PCSK5: variants seen among roughly 807,000 people sequenced by gnomAD.
The protein encoded by PCSK5 is prohormone convertase 5.
Under a neutral mutation model 233.2 loss-of-function variants are expected in PCSK5, and 129 were observed. That is an observed-to-expected ratio of 0.55 (90% confidence interval 0.48 to 0.64). PCSK5 has a LOEUF of 0.64. Among genes scored for constraint, PCSK5 ranks in the 30% least tolerant of loss-of-function variants. The probability of loss-of-function intolerance (pLI) is 0.00; values close to 1 mark genes in which losing one functional copy is unlikely to be tolerated. For missense variants in PCSK5, 2,076 were observed against 2,430.1 expected (o/e 0.85, Z 3.06); for synonymous variants, 825 against 879.2 (o/e 0.94, Z 1.09).
intron 2 of PCSK5, among the ~76,000 whole-genome samples, chr9:75,949,984 G>T (rs1029022175): frequency 6.6e-6 from 1 of 152,138 alleles, no homozygotes; most frequent in Non-Finnish European, 1.5e-5. Context: ...AACAGTATCT[G>T]TAAGCCAACA....
intron 3 of PCSK5, among the ~76,000 whole-genome samples, chr9:76,002,070 G>T (rs1827285533): frequency 6.6e-6 from 1 of 152,108 alleles, no homozygotes; most frequent in African/African-American, 2.4e-5. Flanking sequence ...AAGTAAATTG[G>T]TAATGATTTT....
At chr9:76,052,133 G>A (rs1411886088) in intron 5 of PCSK5, among the ~76,000 whole-genome samples, 1 of 152,172 alleles carries the variant, frequency 6.6e-6, no homozygotes, top group African/African-American at 2.4e-5. Context: ...GCATTTCATT[G>A]TCATGATTAG....
chr9:76,330,779 T>C (rs922715980), intron 33 of PCSK5, among the ~76,000 whole-genome samples: 2 of 152,000 alleles, frequency 1.3e-5, no homozygotes, highest in Non-Finnish European at 2.9e-5. Context: ...AAGAGACCAG[T>C]CTTCTCTATC....
At chr9:76,292,110 G>A in intron 24 of PCSK5, 123 bp from the exon 25 acceptor site, 1 of 666,620 alleles carries the variant, frequency 1.5e-6, no homozygotes, top group African/African-American at 1.8e-5. Flanking sequence ...TATTATTTCT[G>A]GACAGTACAT....
At chr9:76,297,470 T>A (rs1251133377) in intron 27 of PCSK5, among the ~76,000 whole-genome samples, 1 of 151,952 alleles carries the variant, frequency 6.6e-6, no homozygotes, top group Non-Finnish European at 1.5e-5. Context: ...AGGGGACAGG[T>A]GTGGGAGCTT....
chr9:76,109,724 GA>G (rs1564031649), intron 9 of PCSK5, among the ~76,000 whole-genome samples: 18 of 152,162 alleles, frequency 1.2e-4, no homozygotes, highest in Non-Finnish European at 2.6e-4. Flanking sequence ...CAAAATGGAT[GA>G]TGAACTATCT....
chr9:75,889,907 G>C (rs981610076), upstream of PCSK5, among the ~76,000 whole-genome samples: 9 of 152,204 alleles, frequency 5.9e-5, no homozygotes, highest in Non-Finnish European at 5.9e-5. Flanking sequence ...ACAGGACTGT[G>C]CTTGGAAAAG....
intron 2 of PCSK5, among the ~76,000 whole-genome samples, chr9:75,959,758 A>G (rs1346126083): frequency 6.6e-6 from 1 of 152,320 alleles, no homozygotes; most frequent in African/African-American, 2.4e-5. Flanking sequence ...TTGCAGCAAT[A>G]AACATTCAAC....
At chr9:76,322,395 A>C (rs986027376) in intron 31 of PCSK5, among the ~76,000 whole-genome samples, 1 of 152,302 alleles carries the variant, frequency 6.6e-6, no homozygotes, top group African/African-American at 2.4e-5. Context: ...GCTGTGAATG[A>C]ATTTTGTTGT....
intron 8 of PCSK5, among the ~76,000 whole-genome samples, chr9:76,101,820 C>T (rs1198390432): frequency 6.6e-6 from 1 of 152,154 alleles, no homozygotes; most frequent in East Asian, 1.9e-4. Flanking sequence ...TTCTAAGCAG[C>T]TCTACATTTT....
intron 20 of PCSK5, chr9:76,193,222 T>C: frequency 1.2e-6 from 2 of 1,611,934 alleles, no homozygotes; most frequent in Non-Finnish European, 1.7e-6. Flanking sequence ...TCTCTCTTGC[T>C]GACTTCTGGA....
intron 37 of PCSK5, among the ~76,000 whole-genome samples, chr9:76,355,341 C>T (rs1448755711): frequency 6.6e-5 from 10 of 152,014 alleles, no homozygotes; most frequent in East Asian, 1.9e-4. Context: ...GGCGTGGTGG[C>T]GGGCGCCTGT....
intron 5 of PCSK5, among the ~76,000 whole-genome samples, chr9:76,061,559 C>T (rs142067896): frequency 2.5e-3 from 377 of 152,104 alleles, no homozygotes; most frequent in African/African-American, 8.8e-3. Context: ...AAATAACTTA[C>T]GAAGACTAAT....
At chr9:76,229,741 T>C (rs1267652755) in intron 21 of PCSK5, among the ~76,000 whole-genome samples, 1 of 152,246 alleles carries the variant, frequency 6.6e-6, no homozygotes, top group African/African-American at 2.4e-5. Context: ...TCTCTTTCAT[T>C]ACAGTTCATG....
chr9:75,944,714 T>G (rs1002788948), intron 2 of PCSK5, among the ~76,000 whole-genome samples: 1 of 152,182 alleles, frequency 6.6e-6, no homozygotes, highest in Non-Finnish European at 1.5e-5. Flanking sequence ...TCCCATTGCT[T>G]TAAATCACCA....
chr9:76,172,319 A>G (rs1823366285), intron 13 of PCSK5, among the ~76,000 whole-genome samples: 1 of 152,174 alleles, frequency 6.6e-6, no homozygotes, highest in Non-Finnish European at 1.5e-5. Context: ...ACAGGTTTCA[A>G]TATTAATTGC....
intron 21 of PCSK5, among the ~76,000 whole-genome samples, chr9:76,228,315 C>T (rs1825963248): frequency 6.6e-6 from 1 of 152,108 alleles, no homozygotes; most frequent in Non-Finnish European, 1.5e-5. Flanking sequence ...CATTTCTGAC[C>T]TCTTCCCAGT....
chr9:75,985,471 T>G (rs1008979978), intron 2 of PCSK5, among the ~76,000 whole-genome samples: 1 of 152,202 alleles, frequency 6.6e-6, no homozygotes, highest in East Asian at 1.9e-4. Flanking sequence ...CTCCAAATAG[T>G]GTCTTTCCAC....
Position 76,302,171 on chromosome 9 carries a change from G to A in PCSK5, c.3558G>A (p.Lys1186=), listed in dbSNP as rs779967863. The A allele has an allele frequency of 7.4e-7, 1 of 1,353,994 alleles. No homozygotes were observed. Among genetic ancestry groups the A allele is most frequent in the Non-Finnish European group, 9.8e-7 (1 of 1,017,450 alleles). 83.9% of individuals were successfully genotyped at this position (1,353,994 alleles called of 1,614,324 possible). A position where few individuals can be genotyped will look rare whatever the true frequency, so the allele number is the denominator to read the frequency against. ...CCACTGCAAACCTATCTGTGGTGAA[G>A]AGCCTGCTGCAGGAGCGACGAAGGT... ...AVSTANLSVV[K]SLLQERRRWK... Residue 1186 remains lysine, a synonymous_variant, in exon 28 of 38, where the codon AAG becomes AAA. Transcript: ENST00000674117.
Sources: gnomAD v4.1 joint callset for allele counts (sites outside exome capture counted in the v4.1 genomes callset) on GRCh38, gnomAD v4.1.1 for gene constraint, MANE v1.5 for transcripts, NCBI Gene and HGNC (gene_info 2026-07-23, HGNC 2026-07-21) for gene names.